MUC4: variants seen among roughly 807,000 people sequenced by gnomAD.
MUC4 encodes the protein mucin 4, cell surface associated.
Under a neutral mutation model 257.9 loss-of-function variants are expected in MUC4, and 202 were observed. That is an observed-to-expected ratio of 0.78 (90% CI 0.70 to 0.88). The LOEUF (loss-of-function observed/expected upper bound fraction) is 0.88. Ranked by LOEUF, MUC4 falls within the 40% of genes least tolerant of loss-of-function variation. The probability of loss-of-function intolerance (pLI) is 0.00; values close to 1 mark genes in which losing one functional copy is unlikely to be tolerated. For missense variants in MUC4, 5,976 were observed against 6,513.7 expected, an observed-to-expected ratio of 0.92 and a Z score of 2.84; for synonymous variants, 2,351 against 2,757.1, an observed-to-expected ratio of 0.85 and a Z score of 4.62.
chr3:195,773,154 G>C (rs1723491679), intron 4 of MUC4, among the ~76,000 whole-genome samples: 1 of 151,112 alleles, frequency 6.6e-6, no homozygotes, highest in South Asian at 2.1e-4. Context: ...CAGGGGTGTA[G>C]ACACCCTCTC....
Position 195,787,929 on chromosome 3 carries a change from A to G in MUC4, c.3651T>C (p.Leu1217=). 1.0e-6 allele frequency: 1 copy of G among 996,942 alleles called. No homozygotes were observed. Among genetic ancestry groups the G allele is most frequent in the Non-Finnish European group, 1.4e-6 (1 of 726,364 alleles). 61.8% of individuals were successfully genotyped at this position (996,942 alleles called of 1,614,324 possible). ...ACACTGAGGAAGCGTCGGTGACAGGAAGAGGGGTGGCGTGTCCTGTGGATG... is the reference window on the plus strand; with the variant it reads ...ACACTGAGGAAGCGTCGGTGACAGGGAGAGGGGTGGCGTGTCCTGTGGATG... ...SSASTGHATP[L]PVTDASSVST... is the part of the protein sequence containing the mutation. The change falls in exon 2 of 25, where the codon CTT becomes CTC. Residue 1217 remains leucine (L), a synonymous_variant. Transcript: ENST00000463781.
At chr3:195,767,507 C>CCATCACCATCACCAT (rs1720930585) in intron 7 of MUC4, among the ~76,000 whole-genome samples, 1 of 140,844 alleles carries the variant, frequency 7.1e-6, no homozygotes, top group East Asian at 2.2e-4. Context: ...ATCACCACCA[C>CCATCACCATCACCAT]CATCACCATC....
chr3:195,791,550 A>T, intron 1 of MUC4, 53 bp from the exon 2 acceptor site: 1 of 1,136,706 alleles, frequency 8.8e-7, no homozygotes. Flanking sequence ...ATGAACTCCT[A>T]TTCACAATTG....
chr3:195,797,253 G>T (rs1018565412), intron 1 of MUC4, among the ~76,000 whole-genome samples: 1 of 138,174 alleles, frequency 7.2e-6, no homozygotes, highest in Non-Finnish European at 1.7e-5. Context: ...TGGTGACAGA[G>T]CAGGACTCTA....
rs1716365105 is a variant in MUC4 at position 195,751,209 on chromosome 3, T to G, written c.15645A>C (p.Arg5215=). The G allele has an allele frequency of 6.2e-7, 1 of 1,602,892 alleles. No individual in the cohort carries two copies. The highest frequency in any genetic ancestry group is 8.5e-7 in the Non-Finnish European group (1 of 1,175,120). Residue 5215 remains arginine, a splice_region_variant and synonymous_variant, in exon 22 of 25, where the codon CGA becomes CGC. Transcript: ENST00000463781. ...RAFLRNSQVE[R]IDSAAPASGS... ...TAGGGGGACACAGTCCCACTTACAT[T>G]CGTTCCACTTGGCTGTTGCGGAGAA...
intron 7 of MUC4, among the ~76,000 whole-genome samples, chr3:195,767,903 A>C (rs1337248791): frequency 6.8e-5 from 9 of 133,282 alleles, no homozygotes; most frequent in Admixed American, 4.9e-4. Context: ...CACCATCACC[A>C]CCATCACCAT....
chr3:195,775,177 C>G (rs1165638588), intron 3 of MUC4, among the ~76,000 whole-genome samples: 1 of 152,072 alleles, frequency 6.6e-6, no homozygotes, highest in Admixed American at 6.5e-5. Context: ...GCCTGCAAAT[C>G]GGACCGCTCC....
At chr3:195,752,469 T>C in intron 20 of MUC4, 23 bp from the exon 21 acceptor site, 1 of 1,601,374 alleles carries the variant, frequency 6.2e-7, no homozygotes, top group Non-Finnish European at 8.6e-7. Flanking sequence ...GAAGCAAATG[T>C]ATCATCACCC....
chr3:195,752,947 C>A (rs1393979966), intron 20 of MUC4, 104 bp downstream of exon 20: 1 of 1,049,124 alleles, frequency 9.5e-7, no homozygotes, highest in Non-Finnish European at 1.4e-6. Context: ...TGTCCTGTGA[C>A]CCCAGAGCTT....
In MUC4 at chr3:195,772,354, C is replaced by T. The variant is rs992142774; in HGVS notation, c.13078-538G>A. 1.3e-4 allele frequency among the ~76,000 whole-genome samples: 18 copies of T among 137,488 alleles called. 1 individual carries two copies. In the East Asian group the frequency reaches 3.4e-3, roughly 26 times the overall value. The allele number at this position is 137,488 out of a possible 152,430, so 90.2% of individuals were successfully genotyped here. A position where few individuals can be genotyped will look rare whatever the true frequency, so the allele number is the denominator to read the frequency against. ...GCAGGTGTAGACACCCTCTCTCCAT[C>T]GCTCAGGGGTGTAGACACCCTCCCT... On this transcript the variant is annotated intron_variant, in intron 4 of 24. Coordinates refer to ENST00000463781, the MANE Select transcript of MUC4 (RefSeq NM_018406.7).
intron 1 of MUC4, among the ~76,000 whole-genome samples, chr3:195,802,065 C>T (rs1409586210): frequency 1.1e-4 from 17 of 152,174 alleles, no homozygotes. Context: ...CCTGACTTCC[C>T]ACCCATATGC....
At position 195,783,306 on chromosome 3, in the gene MUC4, A is replaced by AGTGCTGGTGACAGGAAGAGGGGTG; in HGVS notation, c.8273_8274insCACCCCTCTTCCTGTCACCAGCAC (p.Thr2758_Ser2759insThrProLeuProValThrSerThr). The AGTGCTGGTGACAGGAAGAGGGGTG allele has an allele frequency of 6.7e-7, 1 of 1,494,644 alleles. No homozygotes were observed. The highest frequency in any genetic ancestry group is 1.4e-5 in the African/African-American group (1 of 69,802). 92.6% of individuals were successfully genotyped at this position (1,494,644 alleles called of 1,614,324 possible). A position where few individuals can be genotyped will look rare whatever the true frequency, so the allele number is the denominator to read the frequency against. On this transcript the variant is annotated inframe_insertion, in exon 2 of 25. Coordinates refer to ENST00000463781, the MANE Select transcript of MUC4 (RefSeq NM_018406.7). ...TGGCGTGACCTGTGGATGCTGAGGA[A>AGTGCTGGTGACAGGAAGAGGGGTG]GTGTCGGTGACAGGAAGAGGGGTGG... is the stretch of plus-strand genomic sequence containing the variant.
intron 1 of MUC4, among the ~76,000 whole-genome samples, chr3:195,807,681 T>C (rs1361165193): frequency 6.6e-6 from 1 of 152,216 alleles, no homozygotes; most frequent in Non-Finnish European, 1.5e-5. Flanking sequence ...ATAAGGTCTC[T>C]GTCCTGGCCT....
rs1282901368 is a variant in MUC4 at position 195,789,205 on chromosome 3, G to A, written c.2375C>T (p.Ser792Phe). ...CGCTGAGGTGGTTCGTGACCCTGAG[G>A]AGGCCGGTTCGCTGGTCTGTGTTTG... is the stretch of plus-strand genomic sequence containing the variant. ...SGQTQTSEPA[S>F]SGSRTTSAGT... The change falls in exon 2 of 25, where the codon TCC becomes TTC. Residue 792 changes from serine to phenylalanine, a missense_variant. By Grantham distance (155) the Ser-to-Phe change is radical. This residue lies in a region of MUC4 where 1,583 missense variants were observed against 1,257.4 expected (regional missense o/e 1.26). Coordinates refer to ENST00000463781, the MANE Select transcript of MUC4 (RefSeq NM_018406.7). 6.2e-7 allele frequency: 1 copy of A among 1,613,880 alleles called. No homozygotes were observed. The highest frequency in any genetic ancestry group is 1.1e-5 in the South Asian group (1 of 91,074).
Position 195,789,137 on chromosome 3 carries a change from G to A in MUC4, c.2443C>T (p.Pro815Ser), listed in dbSNP as rs1733515326. The change falls in exon 2 of 25, where the codon CCT (proline) becomes TCT (serine). Residue 815 changes from proline to serine, a missense_variant. Coordinates refer to ENST00000463781, the MANE Select transcript of MUC4 (RefSeq NM_018406.7). The part of the protein sequence containing the change: ...PSSSGASGTT[P>S]SGSEGISTSG... ...GTGGATATTCCTTCGCTTCCTGAAGGTGTTGTGCCACTCGCCCCGGATGAG... is the reference window on the plus strand; with the variant it reads ...GTGGATATTCCTTCGCTTCCTGAAGATGTTGTGCCACTCGCCCCGGATGAG... The A allele has an allele frequency of 6.2e-7, 1 of 1,613,666 alleles. No individual in the cohort carries two copies. The highest frequency in any genetic ancestry group is 1.3e-5 in the African/African-American group (1 of 74,872).
intron 1 of MUC4, among the ~76,000 whole-genome samples, chr3:195,800,568 T>C (rs1226497658): frequency 6.6e-6 from 1 of 152,138 alleles, no homozygotes; most frequent in Non-Finnish European, 1.5e-5. Flanking sequence ...AAACAATACC[T>C]CTGAAGCCAC....
chr3:195,764,289 G>A (rs991374797), intron 10 of MUC4, 125 bp from the exon 11 acceptor site: 35 of 1,101,826 alleles, frequency 3.2e-5, no homozygotes, highest in South Asian at 3.0e-5. Context: ...AGGGCAGGGC[G>A]GTGTTGGTGG....
At chr3:195,776,387 A>T (rs1441869552) in intron 3 of MUC4, among the ~76,000 whole-genome samples, 325 of 92,068 alleles carry the variant, frequency 3.5e-3, no homozygotes, top group African/African-American at 0.014. Context: ...TTCCACACCC[A>T]TACCTTCCAC....
intron 12 of MUC4, 77 bp downstream of exon 12, chr3:195,763,356 C>G: frequency 7.5e-7 from 1 of 1,336,038 alleles, no homozygotes; most frequent in Non-Finnish European, 9.7e-7. Flanking sequence ...CGCTCTCTTC[C>G]TTCTCCTCGG....
Sources: gnomAD v4.1 joint callset for allele counts (sites outside exome capture counted in the v4.1 genomes callset) on GRCh38, gnomAD v4.1.1 for gene constraint, gnomAD v4.1.1 regional missense constraint, MANE v1.5 for transcripts, NCBI Gene and HGNC (gene_info 2026-07-23, HGNC 2026-07-21) for gene names.